WFDC9: variants seen among roughly 807,000 people sequenced by gnomAD.
WFDC9 encodes the protein protein WFDC9.
Under a neutral mutation model 9.5 loss-of-function variants are expected in WFDC9, and 9 were observed. The ratio of observed to expected loss-of-function variants is 0.95; its 90% confidence interval spans 0.57 to 1.65. WFDC9 has a LOEUF of 1.65. Among genes scored for constraint, WFDC9 ranks in the 40% most tolerant of loss-of-function variants. WFDC9 has a pLI of 0.00. For synonymous variants in WFDC9, 33 were observed against 32.3 expected (o/e 1.02, Z -0.07); for missense variants, 87 against 106.7 (o/e 0.82, Z 0.81).
rs754915244 is a variant in WFDC9 at position 45,614,728 on chromosome 20, G to T, written c.-152-7C>A. 1 of 152,170 alleles carries T rather than the reference G, an allele frequency of 6.6e-6. No individual in the cohort carries two copies. Among genetic ancestry groups the T allele is most frequent in the African/African-American group, 2.4e-5 (1 of 41,418 alleles). 9.4% of individuals were successfully genotyped at this position (152,170 alleles called of 1,614,324 possible). A position where few individuals can be genotyped will look rare whatever the true frequency, so the allele number is the denominator to read the frequency against. ...GTTTGAAGTGGGGCTCGAACTGGGG[G>T]CAGAAGAGCAGAAAAACAATGTTCA... On this transcript the variant is annotated splice_region_variant and splice_polypyrimidine_tract_variant and intron_variant, in intron 1 of 4. Transcript: ENST00000326000.
intron 2 of WFDC9, among the ~76,000 whole-genome samples, chr20:45,612,016 C>T (rs1981870682): frequency 6.6e-6 from 1 of 152,128 alleles, no homozygotes; most frequent in Admixed American, 6.5e-5. Flanking sequence ...ATCCCCAGAG[C>T]CTGGTTTTCC....
At position 45,613,661 on chromosome 20, in the gene WFDC9, C is replaced by G. The variant is rs1431978879; in HGVS notation, c.-59+967G>C. Reference sequence around the variant, plus strand: ...AGCATCTAAGAGTAGAACCCCCACACACACAAATATCTGATCTGATCTACA... The same window carrying G: ...AGCATCTAAGAGTAGAACCCCCACAGACACAAATATCTGATCTGATCTACA... On this transcript the variant is annotated intron_variant, in intron 2 of 4. Coordinates refer to ENST00000326000, the MANE Select transcript of WFDC9 (RefSeq NM_147198.4). Among the ~76,000 whole-genome samples the G allele has an allele frequency of 7.9e-5, 12 of 152,254 alleles. No individual in the cohort carries two copies. The East Asian group carries it at 2.3e-3, about 29-fold the overall frequency.
chr20:45,630,043 C>T, intron 1 of WFDC9: 3 of 1,262,160 alleles, frequency 2.4e-6, no homozygotes, highest in Non-Finnish European at 2.2e-6. Flanking sequence ...AGACTCTGGA[C>T]TGTCCCTAAA....
intron 2 of WFDC9, among the ~76,000 whole-genome samples, chr20:45,611,171 C>T (rs145824733): frequency 0.014 from 2,111 of 152,246 alleles, 88 homozygotes; most frequent in Admixed American, 0.098. Context: ...ATCTATTACA[C>T]AAGAACTTTC....
intron 3 of WFDC9, 76 bp from the exon 4 acceptor site, chr20:45,608,886 T>C (rs1367210209): frequency 6.9e-7 from 1 of 1,452,072 alleles, no homozygotes; most frequent in Admixed American, 2.5e-5. Flanking sequence ...TAACAATCCC[T>C]TCTGAAACTT....
chr20:45,631,154 A>C, intron 1 of WFDC9, 49 bp downstream of exon 1: 1 of 994,554 alleles, frequency 1.0e-6, no homozygotes, highest in Non-Finnish European at 1.4e-6. Context: ...TACTGTCTGA[A>C]CCCCTTGTCC....
chr20:45,630,502 A>G (rs1206072618), intron 1 of WFDC9, among the ~76,000 whole-genome samples: 1 of 152,148 alleles, frequency 6.6e-6, no homozygotes, highest in Admixed American at 6.5e-5. Context: ...TTCAGAGACT[A>G]GGAGAGAGTT....
intron 1 of WFDC9, among the ~76,000 whole-genome samples, chr20:45,624,502 A>G (rs1006397857): frequency 2.0e-5 from 3 of 152,114 alleles, no homozygotes; most frequent in African/African-American, 7.2e-5. Context: ...TATCTCGGCT[A>G]TTGTGAATAG....
intron 1 of WFDC9, chr20:45,629,789 TA>T: frequency 6.2e-7 from 1 of 1,610,474 alleles, no homozygotes; most frequent in Admixed American, 1.7e-5. Context: ...TGGCCAGACA[TA>T]GGGCTCACGA....
intron 1 of WFDC9, among the ~76,000 whole-genome samples, chr20:45,621,802 A>G (rs1303792018): frequency 6.6e-6 from 1 of 152,136 alleles, no homozygotes; most frequent in African/African-American, 2.4e-5. Flanking sequence ...GACACTTGGA[A>G]GCATGCACCT....
chr20:45,628,191 T>A (rs1171040471), intron 1 of WFDC9, among the ~76,000 whole-genome samples: 2 of 152,240 alleles, frequency 1.3e-5, no homozygotes, highest in Non-Finnish European at 2.9e-5. Flanking sequence ...ATATACTTTT[T>A]ATTTCTTGCT....
chr20:45,610,196 G>A lies in WFDC9; in HGVS notation c.-15C>T, dbSNP rs758230020. The A allele has an allele frequency of 6.2e-7, 1 of 1,612,532 alleles. No individual in the cohort carries two copies. The highest frequency in any genetic ancestry group is 2.2e-5 in the East Asian group (1 of 44,846). On this transcript the variant is annotated 5_prime_UTR_variant, in exon 3 of 5. Transcript: ENST00000326000. ...CAGGGCTTCATGGTGCTCTCTGTGT[G>A]TATTTGGGTTAAGTTCTGGCAGAAG...
At chr20:45,612,619 A>G (rs997355756) in intron 2 of WFDC9, among the ~76,000 whole-genome samples, 10 of 152,126 alleles carry the variant, frequency 6.6e-5, no homozygotes, top group Admixed American at 2.6e-4. Flanking sequence ...TTTTCTTAAC[A>G]CTGTAAAAAT....
At chr20:45,609,365 G>A (rs1395756726) in intron 3 of WFDC9, among the ~76,000 whole-genome samples, 1 of 151,946 alleles carries the variant, frequency 6.6e-6, no homozygotes, top group African/African-American at 2.4e-5. Flanking sequence ...CACCATGCCT[G>A]GCTAATTTTT....
chr20:45,628,604 G>A (rs922707958), intron 1 of WFDC9, among the ~76,000 whole-genome samples: 7 of 152,148 alleles, frequency 4.6e-5, no homozygotes, highest in African/African-American at 1.7e-4. Flanking sequence ...CCTTTGGGAA[G>A]GGTCAAATAC....
chr20:45,615,030 T>C (rs1600918613), intron 1 of WFDC9, among the ~76,000 whole-genome samples: 1 of 152,342 alleles, frequency 6.6e-6, no homozygotes, highest in East Asian at 1.9e-4. Flanking sequence ...GGGAACAGTC[T>C]ACATTGACCT....
chr20:45,625,669 A>C (rs1364894668), intron 1 of WFDC9, among the ~76,000 whole-genome samples: 1 of 151,948 alleles, frequency 6.6e-6, no homozygotes, highest in Non-Finnish European at 1.5e-5. Flanking sequence ...GTCTAATTTC[A>C]TTATTCTGCA....
intron 2 of WFDC9, 88 bp from the exon 3 acceptor site, chr20:45,610,327 T>A: frequency 1.6e-6 from 1 of 621,150 alleles, no homozygotes; most frequent in Non-Finnish European, 2.7e-6. Flanking sequence ...TTTCCCTTTC[T>A]AGTACCCAGT....
At position 45,610,157 on chromosome 20, in the gene WFDC9, C is replaced by A; in HGVS notation, c.25G>T (p.Val9Phe). 1 of 1,614,062 alleles carries A rather than the reference C, an allele frequency of 6.2e-7. No homozygotes were observed. The highest frequency in any genetic ancestry group is 8.5e-7 in the Non-Finnish European group (1 of 1,180,000). The part of the protein sequence containing the change: MKPWILLL[V>F]MFISGVVMLL... The stretch of plus-strand genomic sequence containing the variant: ...ATCACAACTCCAGAGATGAACATGA[C>A]GAGTAGAAGAATCCAGGGCTTCATG... Residue 9 changes from valine (V) to phenylalanine (F), a missense_variant, in exon 3 of 5, where the codon GTC (valine) becomes TTC (phenylalanine). Transcript: ENST00000326000.
Sources: gnomAD v4.1 joint callset for allele counts (sites outside exome capture counted in the v4.1 genomes callset) on GRCh38, gnomAD v4.1.1 for gene constraint, MANE v1.5 for transcripts, NCBI Gene and HGNC (gene_info 2026-07-23, HGNC 2026-07-21) for gene names.